The following ZC3H12B variants were observed in gnomAD, a reference collection of about 807,000 sequenced individuals.
ZC3H12B encodes the protein zinc finger CCCH-type containing 12B.
A neutral mutation model predicts 43.9 loss-of-function variants in ZC3H12B; 7 were observed. The ratio of observed to expected loss-of-function variants is 0.16; its 90% CI spans 0.09 to 0.30. The LOEUF is 0.30. ZC3H12B is among the 10% of genes least tolerant of loss of function. The pLI, the probability that ZC3H12B is intolerant of heterozygous loss-of-function variation, is 1.00. For synonymous variants in ZC3H12B, 222 were observed against 241.7 expected, an observed-to-expected ratio of 0.92 and a Z score of 0.76; for missense variants, 475 against 670.2, an observed-to-expected ratio of 0.71 and a Z score of 3.22.
At chrX:65,408,122 G>T in intron 3 of ZC3H12B, 3 of 1,199,719 alleles carry the variant, frequency 2.5e-6, no homozygotes, top group African/African-American at 1.7e-5. Flanking sequence ...GCACCAGGCT[G>T]CAGGCCAGCC....
chrX:65,469,191 A>T (rs1204020295), intron 3 of ZC3H12B: 2 of 177,378 alleles, frequency 1.1e-5, no homozygotes, highest in Non-Finnish European at 2.2e-5. Context: ...CAACAGCAAG[A>T]TCCTGCAGGA....
chrX:65,327,405 A>G, the ZC3H12B span, among the ~76,000 whole-genome samples: 1 of 111,543 alleles, frequency 9.0e-6, no homozygotes, highest in South Asian at 3.7e-4. Context: ...CTTCCAGAAA[A>G]CTAGGTATAC....
chrX:65,194,862 T>C, the ZC3H12B span, among the ~76,000 whole-genome samples: 1 of 112,153 alleles, frequency 8.9e-6, no homozygotes, highest in Non-Finnish European at 1.9e-5. Flanking sequence ...GTTGGATGCA[T>C]ATATATTTAA....
chrX:65,059,699 T>C, the ZC3H12B span, among the ~76,000 whole-genome samples: 15 of 111,910 alleles, frequency 1.3e-4, no homozygotes, highest in Non-Finnish European at 2.6e-4. Flanking sequence ...AATAGCTTTG[T>C]GTATTCTGGT....
At chrX:65,129,599 T>C in the ZC3H12B span, among the ~76,000 whole-genome samples, 2 of 111,263 alleles carry the variant, frequency 1.8e-5, no homozygotes, top group African/African-American at 6.5e-5. Flanking sequence ...TTTACTTCTT[T>C]TGTGTTTCTT....
chrX:65,392,648 G>A (rs1186266349), intron 2 of ZC3H12B, among the ~76,000 whole-genome samples: 22 of 109,906 alleles, frequency 2.0e-4, no homozygotes, highest in East Asian at 3.0e-4. Flanking sequence ...GCCTCTGCCC[G>A]GCCTCCCCAT....
At chrX:65,496,337 T>A (rs1031557353) in intron 1 of ZC3H12B, among the ~76,000 whole-genome samples, 1 of 112,270 alleles carries the variant, frequency 8.9e-6, no homozygotes, top group Non-Finnish European at 1.9e-5. Context: ...GATGTTATTT[T>A]TGAAGCTTAA....
intron 3 of ZC3H12B, among the ~76,000 whole-genome samples, chrX:65,458,937 G>A (rs1269702954): frequency 9.0e-6 from 1 of 110,993 alleles, no homozygotes; most frequent in Non-Finnish European, 1.9e-5. Flanking sequence ...TTTTTGAAAA[G>A]ATCAACAAAA....
chrX:65,300,883 G>T, the ZC3H12B span, among the ~76,000 whole-genome samples: 1 of 110,247 alleles, frequency 9.1e-6, no homozygotes, highest in African/African-American at 3.3e-5. Flanking sequence ...AGAATCAACA[G>T]AGTAAACAGA....
intron 2 of ZC3H12B, among the ~76,000 whole-genome samples, chrX:65,383,009 G>T (rs989094132): frequency 9.0e-6 from 1 of 111,016 alleles, no homozygotes; most frequent in African/African-American, 3.3e-5. Flanking sequence ...AACCAATATC[G>T]TGAAAATGAC....
At chrX:65,250,342 G>A in the ZC3H12B span, among the ~76,000 whole-genome samples, 1 of 112,015 alleles carries the variant, frequency 8.9e-6, no homozygotes, top group Non-Finnish European at 1.9e-5. Context: ...ATCATTGATG[G>A]ATATTTGGGT....
At chrX:65,069,598 A>G in the ZC3H12B span, among the ~76,000 whole-genome samples, 1 of 111,454 alleles carries the variant, frequency 9.0e-6, no homozygotes, top group Non-Finnish European at 1.9e-5. Context: ...TCTGAAGTCA[A>G]CAGGTGGCAA....
At chrX:65,107,182 T>A in the ZC3H12B span, among the ~76,000 whole-genome samples, 1 of 111,751 alleles carries the variant, frequency 8.9e-6, no homozygotes, top group African/African-American at 3.3e-5. Flanking sequence ...AAACTTTGCA[T>A]GTTTAGCTCT....
At chrX:65,211,974 T>C in the ZC3H12B span, among the ~76,000 whole-genome samples, 1,320 of 70,022 alleles carry the variant, frequency 0.019, 13 homozygotes, top group Non-Finnish European at 0.025. Flanking sequence ...ATGTTATGTA[T>C]ACTATATAAT....
At chrX:65,210,060 T>G in the ZC3H12B span, among the ~76,000 whole-genome samples, 1 of 39,305 alleles carries the variant, frequency 2.5e-5, no homozygotes, top group Non-Finnish European at 3.5e-5. Flanking sequence ...AAGCCAAAAT[T>G]GACAAATGGG....
At chrX:65,262,658 A>G in the ZC3H12B span, among the ~76,000 whole-genome samples, 19 of 111,087 alleles carry the variant, frequency 1.7e-4, no homozygotes, top group Non-Finnish European at 2.5e-4. Context: ...ACATTGGAAT[A>G]TAAATAGTAG....
At chrX:65,141,728 A>T in the ZC3H12B span, among the ~76,000 whole-genome samples, 1 of 110,588 alleles carries the variant, frequency 9.0e-6, no homozygotes, top group African/African-American at 3.3e-5. Context: ...TTACATCCTC[A>T]TAGCTTAACT....
chrX:65,364,615 A>G (rs1014602511), upstream of ZC3H12B, among the ~76,000 whole-genome samples: 3 of 110,795 alleles, frequency 2.7e-5, no homozygotes, highest in African/African-American at 1.0e-4. Flanking sequence ...TGGTTCTTGG[A>G]CCAAGGAAAA....
the ZC3H12B span, among the ~76,000 whole-genome samples, chrX:65,093,606 A>G: frequency 2.7e-5 from 3 of 111,849 alleles, no homozygotes; most frequent in Non-Finnish European, 5.6e-5. Context: ...AAATTTAATG[A>G]CTGCCCTGCT....
Sources: allele counts gnomAD v4.1 joint callset (sites outside exome capture counted in the v4.1 genomes callset), GRCh38; gene constraint gnomAD v4.1.1; transcripts MANE v1.5; gene names NCBI Gene and HGNC (gene_info 2026-07-23, HGNC 2026-07-21).